Variants in MYLK observed in about 807,000 individuals in gnomAD.
MYLK encodes the protein myosin light chain kinase, smooth muscle.
A neutral mutation model predicts 203.4 loss-of-function variants in MYLK; 106 were observed. That is an observed-to-expected ratio of 0.52 (90% CI 0.45 to 0.61). The LOEUF (loss-of-function observed/expected upper bound fraction) is 0.61, where lower values mean the gene tolerates loss of function less well. Among genes scored for constraint, MYLK ranks in the 20% least tolerant of loss-of-function variants. The pLI, the probability that MYLK is intolerant of heterozygous loss-of-function variation, is 0.00. For synonymous variants in MYLK, 867 were observed against 959.5 expected, an observed-to-expected ratio of 0.90 and a Z score of 1.78; for missense variants, 2,072 against 2,442.3, an observed-to-expected ratio of 0.85 and a Z score of 3.20.
At chr3:123,647,676 T>C (rs941811308) in intron 26 of MYLK, among the ~76,000 whole-genome samples, 2 of 152,208 alleles carry the variant, frequency 1.3e-5, no homozygotes, top group African/African-American at 4.8e-5. Flanking sequence ...CCCAGACTCC[T>C]GCTCTAGAGC....
chr3:123,734,261 G>A (rs1157674114), intron 9 of MYLK, 39 bp from the exon 10 acceptor site: 1 of 1,467,738 alleles, frequency 6.8e-7, no homozygotes, highest in East Asian at 2.3e-5. Context: ...TGGGTGAGGA[G>A]AGGGGAGAAT....
At chr3:123,752,128 A>T (rs939000278) in intron 5 of MYLK, among the ~76,000 whole-genome samples, 5 of 152,070 alleles carry the variant, frequency 3.3e-5, no homozygotes, top group African/African-American at 1.2e-4. Context: ...ACCTAGTTTG[A>T]CAAACATCAT....
intron 4 of MYLK, among the ~76,000 whole-genome samples, chr3:123,762,167 T>C (rs572183837): frequency 6.6e-6 from 1 of 152,336 alleles, no homozygotes; most frequent in African/African-American, 2.4e-5. Context: ...TCAATGCTTT[T>C]AGTCATTTCT....
At chr3:123,789,240 T>A (rs2064673258) in intron 4 of MYLK, among the ~76,000 whole-genome samples, 1 of 151,918 alleles carries the variant, frequency 6.6e-6, no homozygotes, top group African/African-American at 2.4e-5. Flanking sequence ...ACTTACATCC[T>A]GTTCTACTAG....
chr3:123,643,243 G>A (rs896305648), intron 27 of MYLK, among the ~76,000 whole-genome samples: 1 of 152,172 alleles, frequency 6.6e-6, no homozygotes. Context: ...CAGGTGGCAG[G>A]CTCATCTCTA....
chr3:123,797,100 A>T (rs571567890), intron 3 of MYLK, among the ~76,000 whole-genome samples: 86 of 152,362 alleles, frequency 5.6e-4, no homozygotes, highest in African/African-American at 2.0e-3. Flanking sequence ...TAAGAATTTG[A>T]TGATATAGAA....
chr3:123,817,310 C>T (rs2065781514), intron 3 of MYLK, among the ~76,000 whole-genome samples: 1 of 152,210 alleles, frequency 6.6e-6, no homozygotes, highest in African/African-American at 2.4e-5. Context: ...TAAGACAAGA[C>T]TACTTCTGGG....
intron 22 of MYLK, 36 bp from the exon 23 acceptor site, chr3:123,664,294 G>A (rs1230302728): frequency 6.2e-7 from 1 of 1,613,932 alleles, no homozygotes; most frequent in Non-Finnish European, 8.5e-7. Flanking sequence ...CTGGAGCCTT[G>A]GGCCCCTGGG....
intron 2 of MYLK, among the ~76,000 whole-genome samples, chr3:123,854,018 T>C (rs1351482314): frequency 6.6e-6 from 1 of 151,844 alleles, no homozygotes; most frequent in Non-Finnish European, 1.5e-5. Context: ...GTCTACCATG[T>C]GAATACCCCA....
intron 11 of MYLK, 68 bp from the exon 12 acceptor site, chr3:123,726,146 C>T: frequency 6.3e-7 from 1 of 1,597,840 alleles, no homozygotes; most frequent in South Asian, 1.1e-5. Flanking sequence ...TGCAGTCACC[C>T]CAGCCTCCCA....
At chr3:123,713,585 G>A (rs1325832349) in intron 13 of MYLK, among the ~76,000 whole-genome samples, 808 of 11,962 alleles carry the variant, frequency 0.068, 6 homozygotes, top group South Asian at 0.22. Context: ...CACAATGTGT[G>A]TGTGTGTGTG....
chr3:123,775,481 T>C (rs1464229502), intron 4 of MYLK, among the ~76,000 whole-genome samples: 2 of 152,240 alleles, frequency 1.3e-5, no homozygotes, highest in African/African-American at 2.4e-5. Flanking sequence ...CCCAGCTCTG[T>C]ATTTGTTGTG....
chr3:123,633,077 C>T (rs2058503374), intron 29 of MYLK, among the ~76,000 whole-genome samples: 1 of 151,932 alleles, frequency 6.6e-6, no homozygotes, highest in Non-Finnish European at 1.5e-5. Flanking sequence ...CAGGCATGAG[C>T]CACTGTGCCC....
At chr3:123,814,122 G>A (rs1449416270) in intron 3 of MYLK, 7 of 357,604 alleles carry the variant, frequency 2.0e-5, no homozygotes, top group Non-Finnish European at 2.8e-5. Context: ...TGTAGGCACT[G>A]ACCCAGAAGG....
chr3:123,721,276 G>C (rs2062078114), intron 13 of MYLK, among the ~76,000 whole-genome samples: 1 of 152,116 alleles, frequency 6.6e-6, no homozygotes, highest in African/African-American at 2.4e-5. Flanking sequence ...TTGTCTGATG[G>C]GAGACCAGTC....
At chr3:123,759,469 A>G (rs1001403555) in intron 4 of MYLK, among the ~76,000 whole-genome samples, 6 of 152,212 alleles carry the variant, frequency 3.9e-5, no homozygotes, top group Admixed American at 2.0e-4. Flanking sequence ...CAGAGGTTTA[A>G]CAAATTAATG....
chr3:123,805,773 T>C (rs1454067738), intron 3 of MYLK, among the ~76,000 whole-genome samples: 1 of 152,218 alleles, frequency 6.6e-6, no homozygotes. Flanking sequence ...CCGTGGGTGA[T>C]TTACTTAACT....
chr3:123,647,468 C>A, intron 26 of MYLK, 41 bp from the exon 27 acceptor site: 1 of 1,596,900 alleles, frequency 6.3e-7, no homozygotes, highest in Non-Finnish European at 8.6e-7. Flanking sequence ...CACATTTAGC[C>A]AAGCTTTCCG....
intron 16 of MYLK, among the ~76,000 whole-genome samples, chr3:123,705,656 T>TCTGG (rs1329671958): frequency 6.6e-6 from 1 of 152,172 alleles, no homozygotes; most frequent in African/African-American, 2.4e-5. Context: ...CCCCAGACAG[T>TCTGG]CTGCCTGCCG....
Sources: gnomAD v4.1 joint callset for allele counts (sites outside exome capture counted in the v4.1 genomes callset) on GRCh38, gnomAD v4.1.1 for gene constraint, MANE v1.5 for transcripts, NCBI Gene and HGNC (gene_info 2026-07-23, HGNC 2026-07-21) for gene names.